ADCY5: variants seen among roughly 807,000 people sequenced by gnomAD.
ADCY5 encodes adenylate cyclase 5.
ADCY5 carries 30 observed loss-of-function variants against 119.7 expected under a neutral mutation model. The observed-to-expected ratio is 0.25, with a 90% CI of 0.19 to 0.34. The LOEUF (loss-of-function observed/expected upper bound fraction) is 0.34, where lower values mean the gene tolerates loss of function less well. Ranked by LOEUF, ADCY5 falls within the 10% of genes least tolerant of loss-of-function variation. The pLI is 1.00. For synonymous variants in ADCY5, 753 were observed against 762.2 expected, an observed-to-expected ratio of 0.99 and a Z score of 0.20; for missense variants, 1,324 against 1,775.2, an observed-to-expected ratio of 0.75 and a Z score of 4.57.
chr3:123,354,011 C>CA (rs1942951791), intron 1 of ADCY5, among the ~76,000 whole-genome samples: 1 of 152,134 alleles, frequency 6.6e-6, no homozygotes, highest in Non-Finnish European at 1.5e-5. Flanking sequence ...CAGGAAGGGG[C>CA]AAGTTCAGAT....
chr3:123,392,956 G>T (rs1944439298), intron 1 of ADCY5, among the ~76,000 whole-genome samples: 1 of 152,158 alleles, frequency 6.6e-6, no homozygotes. Flanking sequence ...TCAGAAGGGG[G>T]TCTCTACCAC....
chr3:123,314,714 C>A lies in ADCY5; in HGVS notation c.2355-392G>T, dbSNP rs200606152. Among the ~76,000 whole-genome samples the A allele has an allele frequency of 2.6e-5, 4 of 152,328 alleles. No individual in the cohort carries two copies. The East Asian group carries it at 5.8e-4, about 22-fold the overall frequency. On this transcript the variant is annotated intron_variant, in intron 11 of 20. Transcript: ENST00000462833. The stretch of plus-strand genomic sequence containing the variant: ...TTAGCTTGGAAGAACCACCTGGTTA[C>A]TCCCTCCAAGTCGTCACTCACAGCT...
intron 1 of ADCY5, among the ~76,000 whole-genome samples, chr3:123,413,881 A>G (rs1191123015): frequency 6.6e-6 from 1 of 152,184 alleles, no homozygotes; most frequent in East Asian, 1.9e-4. Context: ...TGCAGAACGG[A>G]CAGAGTGAGG....
chr3:123,419,257 C>T (rs1233405160), intron 1 of ADCY5: 22 of 978,634 alleles, frequency 2.2e-5, no homozygotes, highest in Non-Finnish European at 2.3e-5. Flanking sequence ...CTCCACGCGC[C>T]CCCACAGGCC....
At chr3:123,364,891 C>T in intron 1 of ADCY5, among the ~76,000 whole-genome samples, 1 of 150,940 alleles carries the variant, frequency 6.6e-6, no homozygotes, top group Non-Finnish European at 1.5e-5. Context: ...TTTCATAAAA[C>T]TGTGCTCTTA....
intron 3 of ADCY5, among the ~76,000 whole-genome samples, chr3:123,340,382 C>G (rs1019217416): frequency 1.3e-5 from 2 of 152,200 alleles, no homozygotes; most frequent in Non-Finnish European, 2.9e-5. Flanking sequence ...TCTAACCCTT[C>G]CATCTTCATG....
At position 123,380,250 on chromosome 3, in the gene ADCY5, G is replaced by C. The variant is rs189885738; in HGVS notation, c.1135-27669C>G. ...ATTATCAACCACAAACGTTTACAGG[G>C]AGCCAGCTGTGGTGAACAGGCTTGA... On this transcript the variant is annotated intron_variant, in intron 1 of 20. Transcript: ENST00000462833. Among the ~76,000 whole-genome samples the C allele has an allele frequency of 3.9e-5, 6 of 152,272 alleles. No individual in the cohort carries two copies. The East Asian group carries it at 1.2e-3, about 29-fold the overall frequency.
At chr3:123,396,165 A>G (rs1471437016) in intron 1 of ADCY5, among the ~76,000 whole-genome samples, 1 of 142,280 alleles carries the variant, frequency 7.0e-6, no homozygotes, top group Non-Finnish European at 1.5e-5. Context: ...AGAAAAGAAA[A>G]GAGAAGAAGG....
intron 1 of ADCY5, among the ~76,000 whole-genome samples, chr3:123,442,333 G>T (rs1038935367): frequency 1.3e-5 from 2 of 152,192 alleles, no homozygotes; most frequent in African/African-American, 4.8e-5. Flanking sequence ...CCCTCCTCAG[G>T]TCCCAGTTTG....
chr3:123,445,477 A>G (rs1160128847), intron 1 of ADCY5, among the ~76,000 whole-genome samples: 1 of 152,116 alleles, frequency 6.6e-6, no homozygotes, highest in African/African-American at 2.4e-5. Context: ...GAAAATCTCC[A>G]TATGGATGAC....
At chr3:123,307,368 C>T (rs1435534786) in intron 12 of ADCY5, among the ~76,000 whole-genome samples, 1 of 152,176 alleles carries the variant, frequency 6.6e-6, no homozygotes, top group African/African-American at 2.4e-5. Flanking sequence ...TTGGGAATAG[C>T]TCTCACCCAG....
In ADCY5 at chr3:123,447,781, G is replaced by A. The variant is rs201540316; in HGVS notation, c.765C>T (p.Val255=). 75 of 1,610,758 alleles carry A rather than the reference G, an allele frequency of 4.7e-5. 1 individual carries two copies. In the African/African-American group the frequency reaches 6.5e-4, roughly 14 times the overall value. ...GCCGCGCCGCGTGGAAGGCCAACATGACCAGGCACACGAGCACCAGCACGG... is the reference window on the plus strand; with the variant it reads ...GCCGCGCCGCGTGGAAGGCCAACATAACCAGGCACACGAGCACCAGCACGG... ...LMAVLVLVCL[V]MLAFHAARPP... The change falls in exon 1 of 21, where the codon GTC becomes GTT. Residue 255 remains valine, a synonymous_variant. Transcript: ENST00000462833.
chr3:123,335,718 CT>C (rs1156265324), intron 3 of ADCY5, among the ~76,000 whole-genome samples: 1 of 152,142 alleles, frequency 6.6e-6, no homozygotes, highest in Non-Finnish European at 1.5e-5. Context: ...AAGAGAACCT[CT>C]TTTTTTCCAC....
rs747353152 is a variant in ADCY5, at chr3:123,347,906, G to A, written c.1285-3C>T. 6.2e-6 allele frequency: 10 copies of A among 1,613,950 alleles called. No homozygotes were observed. The highest frequency in any genetic ancestry group is 3.3e-5 in the Admixed American group (2 of 59,996). Reference sequence around the variant, plus strand: ...AGGACAGACAGCAGGAGCCGTTCCTGCAGAGGGAAGCACATGCTTTCATCA... The same window carrying A: ...AGGACAGACAGCAGGAGCCGTTCCTACAGAGGGAAGCACATGCTTTCATCA... On this transcript the variant is annotated splice_polypyrimidine_tract_variant and splice_region_variant and intron_variant, in intron 2 of 20. Coordinates refer to ENST00000462833, the MANE Select transcript of ADCY5 (RefSeq NM_183357.3).
intron 1 of ADCY5, among the ~76,000 whole-genome samples, chr3:123,370,597 C>T (rs1943601444): frequency 6.6e-6 from 1 of 152,230 alleles, no homozygotes; most frequent in African/African-American, 2.4e-5. Flanking sequence ...AGTGGTGGAG[C>T]AACCCCATGG....
intron 1 of ADCY5, among the ~76,000 whole-genome samples, chr3:123,396,409 AAG>A (rs1224922466): frequency 2.7e-4 from 29 of 107,970 alleles, no homozygotes; most frequent in Admixed American, 1.2e-3. Context: ...AAGAAAGAGA[AAG>A]AGAGAGAGAG....
At chr3:123,342,648 C>A (rs1942346680) in intron 3 of ADCY5, among the ~76,000 whole-genome samples, 1 of 151,318 alleles carries the variant, frequency 6.6e-6, no homozygotes, top group African/African-American at 2.5e-5. Context: ...GAGGAGACAG[C>A]TTTCTCGCCC....
intron 1 of ADCY5, among the ~76,000 whole-genome samples, chr3:123,420,506 T>C (rs918939375): frequency 6.6e-6 from 1 of 151,804 alleles, no homozygotes; most frequent in Non-Finnish European, 1.5e-5. Context: ...AGGTGAGGGG[T>C]GAGTGATCTG....
chr3:123,303,023 G>C lies in ADCY5; in HGVS notation c.2724+32C>G, dbSNP rs9844212. ...GTGGGGGAGGGCAAGGGACTCTTCA[G>C]CACTCCCTTCCAGCCCCTGTGCACC... On this transcript the variant is annotated intron_variant, in intron 14 of 20. Coordinates refer to ENST00000462833, the MANE Select transcript of ADCY5 (RefSeq NM_183357.3). The C allele has an allele frequency of 0.56, 893,151 of 1,608,132 alleles. 252,462 individuals are homozygous for C. The highest frequency in any genetic ancestry group is 0.58 in the Non-Finnish European group (683,618 of 1,177,132).
Sources: allele counts gnomAD v4.1 joint callset (sites outside exome capture counted in the v4.1 genomes callset), GRCh38; gene constraint gnomAD v4.1.1; transcripts MANE v1.5; gene names NCBI Gene and HGNC (gene_info 2026-07-23, HGNC 2026-07-21).